TRABD2B: variants seen among roughly 807,000 people sequenced by gnomAD.
The protein encoded by TRABD2B is TraB domain containing 2B, also known as metalloprotease TIKI2.
In TRABD2B, 14 loss-of-function variants were observed where a neutral mutation model predicts 40.1. That is an observed-to-expected ratio of 0.35 (90% CI 0.23 to 0.55). The LOEUF is 0.55. Ranked by LOEUF, TRABD2B falls within the 20% of genes least tolerant of loss-of-function variation. The probability of loss-of-function intolerance (pLI) is 0.90; values close to 1 mark genes in which losing one functional copy is unlikely to be tolerated. For synonymous variants in TRABD2B, 263 were observed against 277.0 expected (o/e 0.95, Z 0.50); for missense variants, 541 against 648.6 (o/e 0.83, Z 1.80).
At chr1:47,924,190 GT>G (rs1209914391) in intron 2 of TRABD2B, among the ~76,000 whole-genome samples, 1 of 152,158 alleles carries the variant, frequency 6.6e-6, no homozygotes, top group Non-Finnish European at 1.5e-5. Flanking sequence ...GTTCCCACAG[GT>G]GGAAAGGGAG....
chr1:47,814,314 C>A (rs1645002455), intron 2 of TRABD2B, among the ~76,000 whole-genome samples: 1 of 152,158 alleles, frequency 6.6e-6, no homozygotes, highest in Non-Finnish European at 1.5e-5. Context: ...CAATGGGATG[C>A]CACTGAATTT....
chr1:47,903,288 G>A (rs1017173434), intron 2 of TRABD2B, among the ~76,000 whole-genome samples: 1 of 152,050 alleles, frequency 6.6e-6, no homozygotes, highest in Non-Finnish European at 1.5e-5. Flanking sequence ...CTACGTCAGG[G>A]GGCTTCTGAC....
chr1:47,807,332 CT>C (rs1032528317), intron 2 of TRABD2B, among the ~76,000 whole-genome samples: 5 of 152,136 alleles, frequency 3.3e-5, no homozygotes, highest in African/African-American at 1.2e-4. Flanking sequence ...TGCAGGAGAC[CT>C]TTTAGGGCAT....
At chr1:47,858,640 G>A (rs962590603) in intron 2 of TRABD2B, among the ~76,000 whole-genome samples, 3 of 152,210 alleles carry the variant, frequency 2.0e-5, no homozygotes, top group African/African-American at 2.4e-5. Flanking sequence ...GCAAAGGGAA[G>A]TGACTTCCAA....
intron 2 of TRABD2B, among the ~76,000 whole-genome samples, chr1:47,971,995 A>C (rs1242065905): frequency 6.6e-6 from 1 of 152,220 alleles, no homozygotes; most frequent in Non-Finnish European, 1.5e-5. Context: ...GAAAGAAAAC[A>C]GCAAAACCTC....
At chr1:47,922,259 C>G (rs1049583616) in intron 2 of TRABD2B, among the ~76,000 whole-genome samples, 3 of 152,204 alleles carry the variant, frequency 2.0e-5, no homozygotes, top group Non-Finnish European at 4.4e-5. Context: ...TACTTGCTAT[C>G]TCTACCAAGA....
intron 2 of TRABD2B, among the ~76,000 whole-genome samples, chr1:47,955,257 G>A (rs1328026716): frequency 6.6e-6 from 1 of 152,048 alleles, no homozygotes; most frequent in African/African-American, 2.4e-5. Context: ...CAACTACTAC[G>A]TTAAGAACCT....
chr1:47,934,101 A>G (rs1645074819), intron 2 of TRABD2B, among the ~76,000 whole-genome samples: 1 of 152,252 alleles, frequency 6.6e-6, no homozygotes, highest in Non-Finnish European at 1.5e-5. Context: ...ACTCTTTAGT[A>G]TGTTAATCTT....
intron 2 of TRABD2B, among the ~76,000 whole-genome samples, chr1:47,942,647 A>G (rs17103926): frequency 0.019 from 2,859 of 152,326 alleles, 79 homozygotes; most frequent in African/African-American, 0.06. Context: ...CAACAACAAT[A>G]ATGTTAATGA....
chr1:47,823,934 T>A (rs1645142807), intron 2 of TRABD2B, among the ~76,000 whole-genome samples: 1 of 152,190 alleles, frequency 6.6e-6, no homozygotes, highest in African/African-American at 2.4e-5. Context: ...CTGCAATGGC[T>A]CCTTGCTCCC....
At chr1:47,823,506 A>G (rs1196913180) in intron 2 of TRABD2B, among the ~76,000 whole-genome samples, 1 of 152,222 alleles carries the variant, frequency 6.6e-6, no homozygotes, top group East Asian at 1.9e-4. Flanking sequence ...CAGGGAGCTC[A>G]TTAGGGCCTG....
intron 2 of TRABD2B, among the ~76,000 whole-genome samples, chr1:47,826,126 T>C (rs1354557423): frequency 6.6e-6 from 1 of 152,164 alleles, no homozygotes; most frequent in Non-Finnish European, 1.5e-5. Context: ...GCAGCCCAAC[T>C]GGCTTGAAGG....
chr1:47,937,067 T>C (rs1241634704), intron 2 of TRABD2B, among the ~76,000 whole-genome samples: 189 of 65,622 alleles, frequency 2.9e-3, no homozygotes, highest in Middle Eastern at 0.014. Context: ...TTATCATCAT[T>C]ATCACCATCA....
intron 2 of TRABD2B, among the ~76,000 whole-genome samples, chr1:47,983,113 A>T (rs531730635): frequency 6.6e-6 from 1 of 152,338 alleles, no homozygotes; most frequent in East Asian, 1.9e-4. Flanking sequence ...GGATAAAGAA[A>T]ATGTGGTACA....
intron 2 of TRABD2B, among the ~76,000 whole-genome samples, chr1:47,934,691 A>C (rs928899692): frequency 3.9e-5 from 6 of 152,204 alleles, no homozygotes; most frequent in Non-Finnish European, 7.3e-5. Context: ...AAGCTGATGG[A>C]GCCACAAATG....
intron 2 of TRABD2B, among the ~76,000 whole-genome samples, chr1:47,865,745 A>T (rs1293285545): frequency 6.6e-6 from 1 of 152,114 alleles, no homozygotes; most frequent in Non-Finnish European, 1.5e-5. Flanking sequence ...GGCGCTTGTC[A>T]CATCCTTCCA....
chr1:47,867,361 G>C (rs1044026943), intron 2 of TRABD2B, among the ~76,000 whole-genome samples: 1 of 152,326 alleles, frequency 6.6e-6, no homozygotes, highest in South Asian at 2.1e-4. Flanking sequence ...TGGGCTGCAC[G>C]TGCTGCTTCC....
At chr1:47,904,095 C>A (rs1032068086) in intron 2 of TRABD2B, among the ~76,000 whole-genome samples, 1 of 152,166 alleles carries the variant, frequency 6.6e-6, no homozygotes, top group Non-Finnish European at 1.5e-5. Context: ...AAAATAAGGC[C>A]TGCAGAAGGA....
intron 2 of TRABD2B, among the ~76,000 whole-genome samples, chr1:47,825,329 T>C (rs1484954343): frequency 6.6e-6 from 1 of 152,228 alleles, no homozygotes; most frequent in Non-Finnish European, 1.5e-5. Flanking sequence ...AAGCCCCGTG[T>C]GGCTCCCACT....
Sources: allele counts gnomAD v4.1 joint callset (sites outside exome capture counted in the v4.1 genomes callset), GRCh38; gene constraint gnomAD v4.1.1; transcripts MANE v1.5; gene names NCBI Gene and HGNC (gene_info 2026-07-23, HGNC 2026-07-21).